The following EVL variants were observed in gnomAD, a reference collection of about 807,000 sequenced individuals.
The protein encoded by EVL is Enah/Vasp-like.
In EVL, 21 loss-of-function variants were observed where a neutral mutation model predicts 59.6. The ratio of observed to expected loss-of-function variants is 0.35; its 90% CI spans 0.25 to 0.51. The LOEUF is 0.51. EVL is among the 20% of genes least tolerant of loss of function. The pLI is 0.97. For missense variants in EVL, 462 were observed against 546.6 expected (o/e 0.85, Z 1.54); for synonymous variants, 198 against 203.5 (o/e 0.97, Z 0.23).
At chr14:100,113,790 C>G (rs1887154100) in intron 3 of EVL, among the ~76,000 whole-genome samples, 2 of 152,036 alleles carry the variant, frequency 1.3e-5, no homozygotes, top group African/African-American at 4.8e-5. Context: ...TTGGGACATT[C>G]AGGGAGGAGA....
Position 100,126,786 on chromosome 14 carries a change from C to T in EVL, c.487+15C>T. 6.2e-7 allele frequency: 1 copy of T among 1,612,364 alleles called. No individual in the cohort carries two copies. The highest frequency in any genetic ancestry group is 8.5e-7 in the Non-Finnish European group (1 of 1,179,364). The stretch of plus-strand genomic sequence containing the variant: ...CTCGGCCACAGGTGAGAGCCCTCCT[C>T]CCCTAGGGCCGACTCCCATGCTGCT... On this transcript the variant is annotated intron_variant, in intron 5 of 13. Transcript: ENST00000392920.
At chr14:100,036,986 A>G (rs952691916) in intron 1 of EVL, among the ~76,000 whole-genome samples, 46 of 152,204 alleles carry the variant, frequency 3.0e-4, no homozygotes, top group African/African-American at 1.0e-3. Flanking sequence ...AAGGCCCTCT[A>G]AGGACACAGT....
intron 1 of EVL, among the ~76,000 whole-genome samples, chr14:100,012,072 T>G (rs2061020024): frequency 6.6e-6 from 1 of 152,174 alleles, no homozygotes; most frequent in Non-Finnish European, 1.5e-5. Flanking sequence ...AGCCCAGCTA[T>G]TCACTCTCCA....
intron 1 of EVL, among the ~76,000 whole-genome samples, chr14:100,014,897 G>A (rs2061039589): frequency 6.6e-6 from 1 of 152,166 alleles, no homozygotes; most frequent in Non-Finnish European, 1.5e-5. Context: ...ATCCTTGATT[G>A]GGCCATGAGA....
intron 1 of EVL, among the ~76,000 whole-genome samples, chr14:100,077,759 C>T (rs982809851): frequency 6.6e-6 from 1 of 152,096 alleles, no homozygotes; most frequent in African/African-American, 2.4e-5. Flanking sequence ...TCTTACAGTG[C>T]ATACAGTTTT....
At chr14:100,038,963 C>T (rs2061428867) in intron 1 of EVL, among the ~76,000 whole-genome samples, 1 of 152,138 alleles carries the variant, frequency 6.6e-6, no homozygotes, top group African/African-American at 2.4e-5. Flanking sequence ...ACTGTGTTTC[C>T]TTCTGCAGCC....
At chr14:100,087,447 C>T (rs925990049) in intron 2 of EVL, among the ~76,000 whole-genome samples, 4 of 152,212 alleles carry the variant, frequency 2.6e-5, no homozygotes, top group African/African-American at 9.6e-5. Context: ...GACCCCATCT[C>T]TATAAAAAAA....
chr14:100,136,682 CGCCTCCCTGTGAAACT>C (rs1459457979), intron 9 of EVL, among the ~76,000 whole-genome samples: 1 of 152,070 alleles, frequency 6.6e-6, no homozygotes, highest in Non-Finnish European at 1.5e-5. Context: ...GGTTGGGTGT[CGCCTCCCTGTGAAACT>C]GCACGCCATG....
At chr14:100,020,973 T>C (rs1329373120) in intron 1 of EVL, among the ~76,000 whole-genome samples, 1 of 152,230 alleles carries the variant, frequency 6.6e-6, no homozygotes, top group Non-Finnish European at 1.5e-5. Context: ...CCCCATTAGA[T>C]GACTAACAAG....
At chr14:100,092,952 G>A (rs2062596180) in intron 2 of EVL, among the ~76,000 whole-genome samples, 2 of 152,228 alleles carry the variant, frequency 1.3e-5, no homozygotes, top group Admixed American at 1.3e-4. Context: ...AGTGTTGGGT[G>A]ATGGGTACTA....
intron 1 of EVL, among the ~76,000 whole-genome samples, chr14:100,033,288 A>T (rs538012577): frequency 6.6e-6 from 1 of 152,238 alleles, no homozygotes; most frequent in Non-Finnish European, 1.5e-5. Flanking sequence ...ACACTTTCAA[A>T]TGTGCCTGCT....
intron 4 of EVL, among the ~76,000 whole-genome samples, chr14:100,124,085 G>A (rs763978743): frequency 3.3e-5 from 5 of 152,220 alleles, no homozygotes; most frequent in South Asian, 2.1e-4. Context: ...CTGTTGTCCC[G>A]AAATTACAGA....
At chr14:100,110,045 T>C (rs1340660977) in intron 3 of EVL, among the ~76,000 whole-genome samples, 2 of 152,224 alleles carry the variant, frequency 1.3e-5, no homozygotes, top group Non-Finnish European at 2.9e-5. Context: ...ACTATAACAG[T>C]TTGAAGTTAC....
rs560421146 is a variant in EVL at position 100,141,288 on chromosome 14, G to T, written c.1161+42G>T. Reference sequence around the variant, plus strand: ...CCCTTCCCTCAAGAGGCTGAGGGCAGCCAGCAGGCGGGGGACCGTCTCTGA... The same window carrying T: ...CCCTTCCCTCAAGAGGCTGAGGGCATCCAGCAGGCGGGGGACCGTCTCTGA... On this transcript the variant is annotated intron_variant, in intron 12 of 13. Transcript: ENST00000392920. The T allele has an allele frequency of 4.4e-6, 7 of 1,604,804 alleles. No individual in the cohort carries two copies. In the South Asian group the frequency reaches 5.5e-5, roughly 13 times the overall value.
intron 13 of EVL, chr14:100,142,062 G>A (rs577085742): frequency 7.1e-5 from 25 of 352,420 alleles, no homozygotes; most frequent in Admixed American, 4.6e-4. Context: ...GAAGACCCAC[G>A]TGGGAAGAGC....
At chr14:100,099,471 G>A (rs1238347629) in intron 3 of EVL, among the ~76,000 whole-genome samples, 1 of 152,158 alleles carries the variant, frequency 6.6e-6, no homozygotes, top group Non-Finnish European at 1.5e-5. Flanking sequence ...CATGGGTCGT[G>A]CGTAGAGCAG....
At position 100,129,643 on chromosome 14, in the gene EVL, A is replaced by G; in HGVS notation, c.798A>G (p.Gly266=). The change falls in exon 7 of 14, where the codon GGA becomes GGG. Residue 266 remains glycine (G), a synonymous_variant. Coordinates refer to ENST00000392920, the MANE Select transcript of EVL (RefSeq NM_016337.3). ...DANRASSGGG[G]GGLMEEMNKL... is the part of the protein sequence containing the mutation. ...ACCGGGCAAGCAGCGGGGGTGGCGG[A>G]GGAGGCCTCATGGAGGAAATGAACA... The G allele has an allele frequency of 6.2e-7, 1 of 1,604,350 alleles. No individual in the cohort carries two copies. Among genetic ancestry groups the G allele is most frequent in the Non-Finnish European group, 8.5e-7 (1 of 1,174,866 alleles).
rs575133966 is a variant in EVL at position 100,141,212 on chromosome 14, C to T, written c.1127C>T (p.Ala376Val). The T allele has an allele frequency of 6.2e-7, 1 of 1,613,892 alleles. No individual in the cohort carries two copies. Among genetic ancestry groups the T allele is most frequent in the African/African-American group, 1.3e-5 (1 of 75,056 alleles). ...MKPAGSVNDM[A>V]LDAFDLDRMK... The stretch of plus-strand genomic sequence containing the variant: ...CCTGCTGGGAGCGTGAATGACATGG[C>T]CCTGGATGCCTTCGACTTGGACCGG... Residue 376 changes from alanine (A) to valine (V), a missense_variant, in exon 12 of 14, where the codon GCC (alanine) becomes GTC (valine). By Grantham distance (64) the Ala-to-Val change is moderately conservative (BLOSUM62 0). Coordinates refer to ENST00000392920, the MANE Select transcript of EVL (RefSeq NM_016337.3).
At chr14:100,122,821 C>G (rs1409872754) in intron 3 of EVL, among the ~76,000 whole-genome samples, 1 of 152,242 alleles carries the variant, frequency 6.6e-6, no homozygotes, top group Non-Finnish European at 1.5e-5. Flanking sequence ...CTCCAGCCTC[C>G]TCTGAACAGG....
Sources: gnomAD v4.1 joint callset for allele counts (sites outside exome capture counted in the v4.1 genomes callset) on GRCh38, gnomAD v4.1.1 for gene constraint, MANE v1.5 for transcripts, NCBI Gene and HGNC (gene_info 2026-07-23, HGNC 2026-07-21) for gene names.